Variants in PRKD3 observed in about 807,000 individuals in gnomAD.
PRKD3 encodes protein kinase D3.
In PRKD3, 47 loss-of-function variants were observed where a neutral mutation model predicts 99.2. The observed-to-expected ratio is 0.47, with a 90% CI of 0.38 to 0.60. The LOEUF (loss-of-function observed/expected upper bound fraction) is 0.60. PRKD3 is among the 20% of genes least tolerant of loss of function. PRKD3 has a pLI of 0.00. For missense variants in PRKD3, 1,019 were observed against 1,088.4 expected (o/e 0.94, Z 0.90); for synonymous variants, 392 against 355.4 (o/e 1.10, Z -1.16).
Position 37,251,455 on chromosome 2 carries a change from A to G in PRKD3, c.*1722T>C, listed in dbSNP as rs1667484910. 6.6e-6 allele frequency: 1 copy of G among 152,546 alleles called. No individual in the cohort carries two copies. Among genetic ancestry groups the G allele is most frequent in the Admixed American group, 6.5e-5 (1 of 15,272 alleles). 9.4% of individuals were successfully genotyped at this position (152,546 alleles called of 1,614,324 possible). On this transcript the variant is annotated 3_prime_UTR_variant, in exon 19 of 19. Transcript: ENST00000234179. Reference sequence around the variant, plus strand: ...ATGAAGCTCATAATGACTTAACACTATGGCTGCTGTGAGGGTAAACTAAAA... The same window carrying G: ...ATGAAGCTCATAATGACTTAACACTGTGGCTGCTGTGAGGGTAAACTAAAA...
chr2:37,310,392 G>A (rs1378054171), intron 2 of PRKD3, among the ~76,000 whole-genome samples: 4 of 152,188 alleles, frequency 2.6e-5, no homozygotes, highest in Non-Finnish European at 4.4e-5. Context: ...ACAATGATGA[G>A]AGATGAGTGC....
rs1239384373 is a variant in PRKD3, at chr2:37,302,429, T to A, written c.289-9158A>T. ...GTATTAAAGATGACTTCGATAATTT[T>A]AAAAAATAATCTTTCTATAACCATT... On this transcript the variant is annotated intron_variant, in intron 2 of 18. Coordinates refer to ENST00000234179, the MANE Select transcript of PRKD3 (RefSeq NM_005813.6). Among the ~76,000 whole-genome samples the A allele has an allele frequency of 1.3e-5, 2 of 152,224 alleles. 1 individual carries two copies. Among genetic ancestry groups the A allele is most frequent in the Non-Finnish European group, 2.9e-5 (2 of 68,038 alleles).
rs193273205 is a variant in PRKD3 at position 37,278,098 on chromosome 2, A to G, written c.1173-109T>C. 1.4e-5 allele frequency: 12 copies of G among 834,838 alleles called. No individual in the cohort carries two copies. In the African/African-American group the frequency reaches 1.6e-4, roughly 11 times the overall value. The allele number at this position is 834,838 out of a possible 1,614,324, so 51.7% of individuals were successfully genotyped here. ...GACAACTGAGCTAAAATTTTTCAAA[A>G]TATCTTAGTAAAATAAACAATGGCT... On this transcript the variant is annotated intron_variant, in intron 8 of 18. Transcript: ENST00000234179.
intron 10 of PRKD3, 127 bp from the exon 11 acceptor site, chr2:37,274,824 A>G (rs1366052368): frequency 2.3e-5 from 21 of 918,938 alleles, no homozygotes; most frequent in Non-Finnish European, 3.2e-5. Context: ...TGCAACATTT[A>G]ATACACAGTT....
intron 2 of PRKD3, among the ~76,000 whole-genome samples, chr2:37,302,059 A>G (rs575831960): frequency 6.6e-6 from 1 of 152,356 alleles, no homozygotes; most frequent in South Asian, 2.1e-4. Context: ...AGTCAAGAGA[A>G]TAAAGAGGCT....
Position 37,286,159 on chromosome 2 carries a change from G to A in PRKD3, c.910+18C>T. ...AAAACAGACATAAATTTTAATTAGG[G>A]AAAACACCTAATCCTACCTTTACAC... is the stretch of plus-strand genomic sequence containing the variant. On this transcript the variant is annotated intron_variant, in intron 6 of 18. Coordinates refer to ENST00000234179, the MANE Select transcript of PRKD3 (RefSeq NM_005813.6). 1 of 1,546,642 alleles carries A rather than the reference G, an allele frequency of 6.5e-7. No individual in the cohort carries two copies. Among genetic ancestry groups the A allele is most frequent in the South Asian group, 1.2e-5 (1 of 81,126 alleles).
At chr2:37,301,817 C>T (rs992427306) in intron 2 of PRKD3, among the ~76,000 whole-genome samples, 2 of 152,184 alleles carry the variant, frequency 1.3e-5, no homozygotes, top group Non-Finnish European at 2.9e-5. Flanking sequence ...CAGGAATTGT[C>T]ACTGGCTATT....
At chr2:37,256,993 A>G (rs1179155918) in intron 16 of PRKD3, 64 bp from the exon 17 acceptor site, 1 of 1,527,458 alleles carries the variant, frequency 6.5e-7, no homozygotes, top group Non-Finnish European at 9.0e-7. Context: ...ACCTGTCCCT[A>G]AATATAACAC....
chr2:37,306,818 A>C (rs1202407014), intron 2 of PRKD3, among the ~76,000 whole-genome samples: 1 of 152,186 alleles, frequency 6.6e-6, no homozygotes, highest in Non-Finnish European at 1.5e-5. Context: ...CAAAAAACAA[A>C]AACAAAAATG....
At chr2:37,280,325 G>A (rs568494036) in intron 7 of PRKD3, among the ~76,000 whole-genome samples, 11 of 152,042 alleles carry the variant, frequency 7.2e-5, no homozygotes, top group Admixed American at 2.0e-4. Context: ...GATTACAGGC[G>A]TGAGCCACCA....
chr2:37,255,005 T>C (rs941949795), intron 17 of PRKD3, among the ~76,000 whole-genome samples: 3 of 152,306 alleles, frequency 2.0e-5, no homozygotes, highest in Admixed American at 6.5e-5. Flanking sequence ...ATTTGAAATA[T>C]TGGTAACAAA....
chr2:37,278,461 T>G (rs999438476), intron 8 of PRKD3: 4 of 152,402 alleles, frequency 2.6e-5, no homozygotes, highest in African/African-American at 4.8e-5. Flanking sequence ...GTACTTCTAC[T>G]AGAAGGTATT....
At chr2:37,323,457 G>A (rs1671969680) in intron 1 of PRKD3, among the ~76,000 whole-genome samples, 1 of 151,886 alleles carries the variant, frequency 6.6e-6, no homozygotes, top group African/African-American at 2.4e-5. Flanking sequence ...TGTGTGACAC[G>A]TTTCAAATCC....
intron 12 of PRKD3, among the ~76,000 whole-genome samples, chr2:37,269,956 G>C (rs759065166): frequency 2.0e-5 from 3 of 152,192 alleles, no homozygotes; most frequent in Non-Finnish European, 2.9e-5. Context: ...GGCCTGGCGT[G>C]GTGGCTCACG....
intron 12 of PRKD3, among the ~76,000 whole-genome samples, chr2:37,269,916 ATGCTT>A (rs1193867314): frequency 6.6e-6 from 1 of 152,226 alleles, no homozygotes; most frequent in African/African-American, 2.4e-5. Flanking sequence ...CAGGAAAAAA[ATGCTT>A]TGCATTTTAA....
rs541712527 is a variant in PRKD3 at position 37,251,852 on chromosome 2, G to T, written c.*1325C>A. The T allele has an allele frequency of 6.7e-6, 1 of 148,334 alleles. No individual in the cohort carries two copies. The highest frequency in any genetic ancestry group is 2.1e-4 in the South Asian group (1 of 4,722). 9.2% of individuals were successfully genotyped at this position (148,334 alleles called of 1,614,324 possible). A position where few individuals can be genotyped will look rare whatever the true frequency, so the allele number is the denominator to read the frequency against. Reference sequence around the variant, plus strand: ...AGTCCAAGACCTCAGCAAAAGTTTTGTTCTTTTACTTTTGTTAGAGTGGAG... The same window carrying T: ...AGTCCAAGACCTCAGCAAAAGTTTTTTTCTTTTACTTTTGTTAGAGTGGAG... On this transcript the variant is annotated 3_prime_UTR_variant, in exon 19 of 19. Transcript: ENST00000234179.
chr2:37,299,639 A>C (rs981583526), intron 2 of PRKD3, among the ~76,000 whole-genome samples: 7 of 152,114 alleles, frequency 4.6e-5, no homozygotes, highest in Admixed American at 1.3e-4. Context: ...TATTCAACTG[A>C]CAAGGGGTTA....
Position 37,271,041 on chromosome 2 carries a change from A to G in PRKD3, c.1704+1339T>C, listed in dbSNP as rs771689779. 5.9e-5 allele frequency among the ~76,000 whole-genome samples: 9 copies of G among 152,330 alleles called. No individual in the cohort carries two copies. In the South Asian group the frequency reaches 8.3e-4, roughly 14 times the overall value. On this transcript the variant is annotated intron_variant, in intron 12 of 18. Coordinates refer to ENST00000234179, the MANE Select transcript of PRKD3 (RefSeq NM_005813.6). ...CAACAGGACAAGAGACTCATAGATT[A>G]TATCTCTGAAATGTTCTATCTCCAA...
chr2:37,274,283 T>G (rs1230264112), intron 11 of PRKD3, 138 bp downstream of exon 11: 1 of 923,062 alleles, frequency 1.1e-6, no homozygotes, highest in Non-Finnish European at 1.6e-6. Flanking sequence ...GTTAACTAAT[T>G]GTATTGGTTA....
Sources: allele counts gnomAD v4.1 joint callset (sites outside exome capture counted in the v4.1 genomes callset), GRCh38; gene constraint gnomAD v4.1.1; transcripts MANE v1.5; gene names NCBI Gene and HGNC (gene_info 2026-07-23, HGNC 2026-07-21).